Variants in DNAAF11 observed in about 807,000 individuals in gnomAD.
The protein encoded by DNAAF11 is leucine rich repeat containing 6.
Under a neutral mutation model 60.8 loss-of-function variants are expected in DNAAF11, and 45 were observed. That is an observed-to-expected ratio of 0.74 (90% confidence interval 0.58 to 0.95). The LOEUF (loss-of-function observed/expected upper bound fraction) is 0.95. Among genes scored for constraint, DNAAF11 ranks in the 40% least tolerant of loss-of-function variants. The pLI is 0.00. For synonymous variants in DNAAF11, 191 were observed against 183.5 expected, an observed-to-expected ratio of 1.04 and a Z score of -0.33; for missense variants, 546 against 546.2, an observed-to-expected ratio of 1.00 and a Z score of 0.00.
intron 6 of DNAAF11, 69 bp from the exon 7 acceptor site, chr8:132,622,757 A>C: frequency 9.5e-7 from 1 of 1,050,648 alleles, no homozygotes; most frequent in South Asian, 1.4e-5. Context: ...AGAATATAAA[A>C]GCAATTAATA....
intron 11 of DNAAF11, among the ~76,000 whole-genome samples, chr8:132,580,761 G>A (rs1464387926): frequency 1.3e-5 from 2 of 152,176 alleles, no homozygotes; most frequent in Non-Finnish European, 2.9e-5. Context: ...TCTCTAAATT[G>A]ATCTATATGG....
intron 3 of DNAAF11, among the ~76,000 whole-genome samples, chr8:132,655,114 G>C (rs560147970): frequency 2.0e-5 from 3 of 151,730 alleles, no homozygotes; most frequent in African/African-American, 7.2e-5. Flanking sequence ...AATATAATAA[G>C]GGAGTAGTAA....
chr8:132,617,785 G>A (rs1227273373), intron 7 of DNAAF11, among the ~76,000 whole-genome samples: 2 of 151,004 alleles, frequency 1.3e-5, no homozygotes, highest in South Asian at 4.2e-4. Context: ...CACTGCTCAA[G>A]GAAATAAAAG....
At chr8:132,692,881 C>G in the DNAAF11 span, among the ~76,000 whole-genome samples, 1 of 152,206 alleles carries the variant, frequency 6.6e-6, no homozygotes, top group Non-Finnish European at 1.5e-5. Flanking sequence ...TAGAAACATG[C>G]TAAGCTGATT....
chr8:132,686,706 G>T, the DNAAF11 span, among the ~76,000 whole-genome samples: 1 of 152,082 alleles, frequency 6.6e-6, no homozygotes, highest in South Asian at 2.1e-4. Flanking sequence ...TTTGAGAGAA[G>T]AGACCCTGGA....
chr8:132,700,919 T>C, the DNAAF11 span, among the ~76,000 whole-genome samples: 831 of 152,300 alleles, frequency 5.5e-3, 7 homozygotes, highest in African/African-American at 0.015. Flanking sequence ...TACCACATAC[T>C]TGATAATTTA....
At chr8:132,611,585 G>T (rs1230804723) in intron 8 of DNAAF11, among the ~76,000 whole-genome samples, 3 of 152,150 alleles carry the variant, frequency 2.0e-5, no homozygotes, top group African/African-American at 7.2e-5. Flanking sequence ...ACTTGGCATT[G>T]ATTGCCCCTA....
intron 3 of DNAAF11, among the ~76,000 whole-genome samples, chr8:132,647,427 A>C (rs991466455): frequency 2.0e-5 from 3 of 152,244 alleles, no homozygotes; most frequent in Non-Finnish European, 4.4e-5. Flanking sequence ...AAGATCTAAA[A>C]TTGACACCCT....
chr8:132,596,643 C>T (rs1372675787), intron 10 of DNAAF11, among the ~76,000 whole-genome samples: 1 of 152,196 alleles, frequency 6.6e-6, no homozygotes, highest in East Asian at 1.9e-4. Context: ...GGACCTGAGG[C>T]TCCTCCCACT....
the DNAAF11 span, among the ~76,000 whole-genome samples, chr8:132,698,964 A>G: frequency 1.0e-5 from 1 of 99,142 alleles, no homozygotes; most frequent in African/African-American, 6.0e-5. Context: ...ATACACACAC[A>G]CACACACAAA....
Position 132,572,403 on chromosome 8 carries a change from T to C in DNAAF11, c.1304A>G (p.Lys435Arg). ...FPDVTNIVQE[K>R]KHTPRRRPEP... ...AGGTCGTCTTCTGGGTGTGTGTTTT[T>C]TCTCTTGAACTATGTTAGTCACATC... The change falls in exon 12 of 12, where the codon AAA (lysine) becomes AGA (arginine). Residue 435 changes from lysine to arginine, a missense_variant. Transcript: ENST00000620350. 1 of 1,613,952 alleles carries C rather than the reference T, an allele frequency of 6.2e-7. No homozygotes were observed. The highest frequency in any genetic ancestry group is 8.5e-7 in the Non-Finnish European group (1 of 1,179,880).
At chr8:132,581,681 A>AAAGAAG (rs544637654) in intron 11 of DNAAF11, among the ~76,000 whole-genome samples, 7 of 148,272 alleles carry the variant, frequency 4.7e-5, no homozygotes, top group African/African-American at 1.7e-4. Flanking sequence ...AAAAAAAAAA[A>AAAGAAG]AAGAAGAAGA....
At chr8:132,655,968 C>T (rs1175962228) in intron 3 of DNAAF11, among the ~76,000 whole-genome samples, 1 of 152,074 alleles carries the variant, frequency 6.6e-6, no homozygotes, top group African/African-American at 2.4e-5. Context: ...TCCAAATATG[C>T]TGATTTAAAT....
At chr8:132,622,903 T>C (rs555887735) in intron 6 of DNAAF11, 79 of 503,566 alleles carry the variant, frequency 1.6e-4, no homozygotes, top group African/African-American at 1.4e-3. Flanking sequence ...TGGTTGTATC[T>C]GTATCTGTAC....
chr8:132,658,613 T>G (rs924508355), intron 2 of DNAAF11, among the ~76,000 whole-genome samples: 1 of 152,152 alleles, frequency 6.6e-6, no homozygotes, highest in Non-Finnish European at 1.5e-5. Context: ...GAGCCACCGC[T>G]CCCAGCAGAT....
At chr8:132,616,963 A>G (rs1819224529) in intron 7 of DNAAF11, among the ~76,000 whole-genome samples, 1 of 152,132 alleles carries the variant, frequency 6.6e-6, no homozygotes. Context: ...TGTTGACATC[A>G]TCAAAGGAGG....
intron 7 of DNAAF11, among the ~76,000 whole-genome samples, chr8:132,617,759 A>C (rs1450876013): frequency 6.6e-6 from 1 of 151,900 alleles, no homozygotes; most frequent in Non-Finnish European, 1.5e-5. Flanking sequence ...GGACCTCTTC[A>C]AGGAGAACTA....
the DNAAF11 span, among the ~76,000 whole-genome samples, chr8:132,691,454 C>T: frequency 6.6e-6 from 1 of 152,054 alleles, no homozygotes; most frequent in Non-Finnish European, 1.5e-5. Context: ...TCCAAGGATC[C>T]TTGGTTTCTT....
At chr8:132,652,551 T>C (rs1389894265) in intron 3 of DNAAF11, among the ~76,000 whole-genome samples, 3 of 151,638 alleles carry the variant, frequency 2.0e-5, no homozygotes, top group African/African-American at 7.3e-5. Flanking sequence ...AACATAGAAG[T>C]TTAGAAGAAT....
Sources: gnomAD v4.1 joint callset for allele counts (sites outside exome capture counted in the v4.1 genomes callset) on GRCh38, gnomAD v4.1.1 for gene constraint, MANE v1.5 for transcripts, NCBI Gene and HGNC (gene_info 2026-07-23, HGNC 2026-07-21) for gene names.